The following DIAPH3 variants were observed in gnomAD, a reference collection of about 807,000 sequenced individuals.
The protein encoded by DIAPH3 is diaphanous related formin 3.
Under a neutral mutation model 144.3 loss-of-function variants are expected in DIAPH3, and 117 were observed. The observed-to-expected ratio is 0.81, with a 90% CI of 0.70 to 0.95. DIAPH3 has a LOEUF of 0.95. DIAPH3 is among the 40% of genes least tolerant of loss of function. DIAPH3 has a pLI of 0.00. For synonymous variants in DIAPH3, 519 were observed against 488.9 expected, an observed-to-expected ratio of 1.06 and a Z score of -0.81; for missense variants, 1,421 against 1,412.7, an observed-to-expected ratio of 1.01 and a Z score of -0.09.
intron 24 of DIAPH3, among the ~76,000 whole-genome samples, chr13:59,824,579 C>CTT (rs2041266343): frequency 6.6e-6 from 1 of 152,144 alleles, no homozygotes; most frequent in African/African-American, 2.4e-5. Context: ...TCATGTCTCT[C>CTT]TTTGAGGGTC....
At chr13:59,755,558 T>G (rs1456770293) in intron 27 of DIAPH3, among the ~76,000 whole-genome samples, 1 of 152,016 alleles carries the variant, frequency 6.6e-6, no homozygotes, top group Non-Finnish European at 1.5e-5. Context: ...AAAAAGAGAA[T>G]GAGTGGCTAG....
At chr13:59,992,863 A>C (rs1368638498) in intron 9 of DIAPH3, among the ~76,000 whole-genome samples, 3 of 150,732 alleles carry the variant, frequency 2.0e-5, no homozygotes, top group Admixed American at 6.6e-5. Context: ...AAAAAAAAAA[A>C]CACTTGTAAC....
chr13:59,755,719 C>A (rs1420999373), intron 27 of DIAPH3, among the ~76,000 whole-genome samples: 1 of 152,004 alleles, frequency 6.6e-6, no homozygotes, highest in Non-Finnish European at 1.5e-5. Context: ...GTGCCCAGAC[C>A]CCATCTTAGA....
chr13:60,077,556 T>C (rs184662233), intron 4 of DIAPH3, among the ~76,000 whole-genome samples: 3 of 152,200 alleles, frequency 2.0e-5, no homozygotes, highest in Middle Eastern at 3.4e-3. Context: ...TAAGAAAGTA[T>C]GACTTTATCA....
At chr13:59,736,144 G>A (rs371730307) in intron 27 of DIAPH3, among the ~76,000 whole-genome samples, 1 of 152,126 alleles carries the variant, frequency 6.6e-6, no homozygotes, top group African/African-American at 2.4e-5. Context: ...TGGCTATATA[G>A]TATTTCATGG....
intron 17 of DIAPH3, among the ~76,000 whole-genome samples, chr13:59,957,343 C>T (rs112261339): frequency 6.0e-4 from 91 of 152,236 alleles, no homozygotes; most frequent in African/African-American, 2.2e-3. Flanking sequence ...ATGCTGTTCT[C>T]ATAATAGTGA....
chr13:59,906,165 C>T (rs148827660), intron 20 of DIAPH3, among the ~76,000 whole-genome samples: 132 of 152,082 alleles, frequency 8.7e-4, no homozygotes, highest in African/African-American at 2.8e-3. Flanking sequence ...ACCTGAGGCA[C>T]GGAGAGAAAC....
chr13:59,915,204 A>C (rs1370012130), intron 19 of DIAPH3, among the ~76,000 whole-genome samples: 6 of 152,094 alleles, frequency 3.9e-5, no homozygotes, highest in African/African-American at 1.4e-4. Flanking sequence ...AATCCAGTAA[A>C]AAACAAACTG....
chr13:59,680,370 T>C (rs1200357881), intron 27 of DIAPH3, among the ~76,000 whole-genome samples: 1 of 152,202 alleles, frequency 6.6e-6, no homozygotes, highest in Non-Finnish European at 1.5e-5. Flanking sequence ...ATTGCTTGGC[T>C]GCTGGGCCTC....
chr13:59,945,163 G>A (rs1341418315), intron 17 of DIAPH3, among the ~76,000 whole-genome samples: 1 of 151,710 alleles, frequency 6.6e-6, no homozygotes, highest in African/African-American at 2.4e-5. Flanking sequence ...CTCATCTCCT[G>A]CCCTTGTCTC....
chr13:59,752,948 T>A (rs2037086615), intron 27 of DIAPH3, among the ~76,000 whole-genome samples: 1 of 152,214 alleles, frequency 6.6e-6, no homozygotes, highest in Admixed American at 6.5e-5. Context: ...AGACATCCAT[T>A]TTCATTTTAT....
At chr13:59,945,864 A>C (rs568452621) in intron 17 of DIAPH3, among the ~76,000 whole-genome samples, 1 of 152,302 alleles carries the variant, frequency 6.6e-6, no homozygotes, top group Admixed American at 6.5e-5. Context: ...TTATAATTTT[A>C]CCAAAAAAAG....
At position 59,898,685 on chromosome 13, in the gene DIAPH3, C is replaced by A. The variant is rs180889167; in HGVS notation, c.2367+13050G>T. ...AGAATGATTCCTGCCACCATAGATACTTATGGCAGGCTAACTAGGTTAGTG... is the reference window on the plus strand; with the variant it reads ...AGAATGATTCCTGCCACCATAGATAATTATGGCAGGCTAACTAGGTTAGTG... On this transcript the variant is annotated intron_variant, in intron 20 of 27. Coordinates refer to ENST00000400324, the MANE Select transcript of DIAPH3 (RefSeq NM_001042517.2). Among the ~76,000 whole-genome samples the A allele has an allele frequency of 1.7e-4, 26 of 152,250 alleles. 1 individual carries two copies. In the East Asian group the frequency reaches 4.6e-3, roughly 27 times the overall value.
intron 27 of DIAPH3, among the ~76,000 whole-genome samples, chr13:59,760,174 C>T (rs546276084): frequency 4.6e-5 from 7 of 152,296 alleles, no homozygotes; most frequent in African/African-American, 1.7e-4. Context: ...CATACATCAT[C>T]ACTCTCATTT....
intron 4 of DIAPH3, among the ~76,000 whole-genome samples, chr13:60,051,318 G>A (rs1045918892): frequency 2.0e-5 from 3 of 151,906 alleles, no homozygotes; most frequent in African/African-American, 7.3e-5. Flanking sequence ...GTAGGTACAG[G>A]CTCAGAAAAA....
intron 20 of DIAPH3, among the ~76,000 whole-genome samples, chr13:59,880,924 C>T (rs1398252381): frequency 3.5e-5 from 5 of 142,564 alleles, no homozygotes; most frequent in African/African-American, 5.2e-5. Flanking sequence ...CTTTAAGGAA[C>T]GTCTTCATAT....
At chr13:60,123,659 C>T (rs1278890948) in intron 2 of DIAPH3, among the ~76,000 whole-genome samples, 3 of 152,128 alleles carry the variant, frequency 2.0e-5, no homozygotes, top group South Asian at 2.1e-4. Context: ...TACATTCAGT[C>T]GCCCCAATCC....
At chr13:60,118,165 A>T (rs1041389602) in intron 2 of DIAPH3, among the ~76,000 whole-genome samples, 3 of 152,168 alleles carry the variant, frequency 2.0e-5, no homozygotes, top group African/African-American at 7.2e-5. Flanking sequence ...GTATTATCTC[A>T]TACTGAGTAA....
intron 4 of DIAPH3, among the ~76,000 whole-genome samples, chr13:60,088,644 C>A (rs919420410): frequency 6.6e-6 from 1 of 152,110 alleles, no homozygotes; most frequent in African/African-American, 2.4e-5. Flanking sequence ...GGGAGGGGGA[C>A]AGGGTCTCAC....
Sources: gnomAD v4.1 joint callset for allele counts (sites outside exome capture counted in the v4.1 genomes callset) on GRCh38, gnomAD v4.1.1 for gene constraint, MANE v1.5 for transcripts, NCBI Gene and HGNC (gene_info 2026-07-23, HGNC 2026-07-21) for gene names.